Variants in KLHL1 observed in about 807,000 individuals in gnomAD.
KLHL1 encodes the protein kelch like family member 1.
Under a neutral mutation model 77.7 loss-of-function variants are expected in KLHL1, and 47 were observed. That is an observed-to-expected ratio of 0.60 (90% confidence interval 0.48 to 0.77). KLHL1 has a LOEUF of 0.77. Ranked by LOEUF, KLHL1 falls within the 30% of genes least tolerant of loss-of-function variation. The pLI, the probability that KLHL1 is intolerant of heterozygous loss-of-function variation, is 0.00. For missense variants in KLHL1, 925 were observed against 910.8 expected, an observed-to-expected ratio of 1.02 and a Z score of -0.20; for synonymous variants, 360 against 325.2, an observed-to-expected ratio of 1.11 and a Z score of -1.15.
At chr13:70,087,279 A>G (rs1273824484) in intron 1 of KLHL1, among the ~76,000 whole-genome samples, 1 of 152,316 alleles carries the variant, frequency 6.6e-6, no homozygotes, top group South Asian at 2.1e-4. Context: ...ATGAAAAAAT[A>G]TAGTAAATTT....
chr13:70,056,676 G>A (rs568384121), intron 1 of KLHL1, among the ~76,000 whole-genome samples: 94 of 152,022 alleles, frequency 6.2e-4, no homozygotes, highest in African/African-American at 2.1e-3. Context: ...GAGGTACTTC[G>A]GAAACTACAA....
intron 5 of KLHL1, among the ~76,000 whole-genome samples, chr13:69,869,976 T>C (rs1207363207): frequency 2.6e-5 from 4 of 152,176 alleles, no homozygotes; most frequent in Non-Finnish European, 5.9e-5. Flanking sequence ...AAAAGAGAGT[T>C]CTGCAGGGTG....
intron 7 of KLHL1, among the ~76,000 whole-genome samples, chr13:69,754,394 A>G (rs1055255476): frequency 6.6e-6 from 1 of 152,188 alleles, no homozygotes; most frequent in Non-Finnish European, 1.5e-5. Context: ...GGACAAGGAC[A>G]TATCCTTTTT....
At chr13:69,780,716 G>GTATATATATATATATATACATA (rs1290786295) in intron 7 of KLHL1, among the ~76,000 whole-genome samples, 1 of 47,696 alleles carries the variant, frequency 2.1e-5, no homozygotes, top group African/African-American at 9.5e-5. Context: ...ATATATATAT[G>GTATATATATATATATATACATA]TATATATATA....
intron 1 of KLHL1, among the ~76,000 whole-genome samples, chr13:70,000,936 A>AC (rs397777197): frequency 2.0e-5 from 3 of 150,118 alleles, no homozygotes; most frequent in Non-Finnish European, 4.5e-5. Context: ...AGAAAAAAAA[A>AC]CAAAAAATAG....
intron 1 of KLHL1, among the ~76,000 whole-genome samples, chr13:70,060,373 A>G (rs2137404036): frequency 6.6e-6 from 1 of 152,306 alleles, no homozygotes; most frequent in South Asian, 2.1e-4. Context: ...GCAAAAACCT[A>G]AAAGTAGAAC....
At chr13:69,775,055 GA>G (rs893073209) in intron 7 of KLHL1, among the ~76,000 whole-genome samples, 8 of 152,084 alleles carry the variant, frequency 5.3e-5, no homozygotes, top group Admixed American at 1.3e-4. Flanking sequence ...GAGCTAACAG[GA>G]AAAAAATACC....
chr13:69,902,664 C>G (rs1269101834), intron 4 of KLHL1, among the ~76,000 whole-genome samples: 2 of 149,446 alleles, frequency 1.3e-5, no homozygotes, highest in Admixed American at 1.4e-4. Flanking sequence ...GGACAAAAAC[C>G]AAACACCACA....
intron 5 of KLHL1, among the ~76,000 whole-genome samples, chr13:69,850,445 C>T (rs1879641266): frequency 6.6e-6 from 1 of 151,498 alleles, no homozygotes; most frequent in Non-Finnish European, 1.5e-5. Context: ...TCCAAACAGT[C>T]ACCAAATACA....
rs1271664589 is a variant in KLHL1, at chr13:69,701,579, G to C, written c.*123C>G. Reference sequence around the variant, plus strand: ...TCTACTAACTCTTTCAACATCAGTAGGTAACGCTACAGAGATCCTTGTTCT... The same window carrying C: ...TCTACTAACTCTTTCAACATCAGTACGTAACGCTACAGAGATCCTTGTTCT... On this transcript the variant is annotated 3_prime_UTR_variant, in exon 11 of 11. Coordinates refer to ENST00000377844, the MANE Select transcript of KLHL1 (RefSeq NM_020866.3). 5.9e-6 allele frequency: 4 copies of C among 672,970 alleles called. No homozygotes were observed. The highest frequency in any genetic ancestry group is 1.0e-5 in the Non-Finnish European group (4 of 382,492). 41.7% of individuals were successfully genotyped at this position (672,970 alleles called of 1,614,324 possible).
At chr13:70,087,380 T>A (rs551102731) in intron 1 of KLHL1, among the ~76,000 whole-genome samples, 4 of 152,038 alleles carry the variant, frequency 2.6e-5, no homozygotes, top group Non-Finnish European at 5.9e-5. Flanking sequence ...GGCTGAGGCA[T>A]GCAAAGAATC....
rs777518533 is a variant in KLHL1, at chr13:69,796,868, A to G, written c.1509T>C (p.Val503=). ...NGRRLQFGVA[V]IDDKLFVIGG... ...CAATTACAAAGAGTTTGTCATCAAT[A>G]ACAGCCACACCAAACTGCAGCCTTC... The change falls in exon 7 of 11, where the codon GTT becomes GTC. Residue 503 remains valine, a synonymous_variant. Transcript: ENST00000377844. The G allele has an allele frequency of 1.9e-6, 3 of 1,614,132 alleles. No individual in the cohort carries two copies. In the South Asian group the frequency reaches 3.3e-5, roughly 18 times the overall value.
intron 1 of KLHL1, among the ~76,000 whole-genome samples, chr13:70,093,503 T>G (rs2137444929): frequency 6.6e-6 from 1 of 152,266 alleles, no homozygotes; most frequent in Non-Finnish European, 1.5e-5. Flanking sequence ...CCTAAGCACT[T>G]TAAAGAAAAA....
At chr13:69,738,886 C>T (rs1258307984) in intron 8 of KLHL1, among the ~76,000 whole-genome samples, 1 of 152,106 alleles carries the variant, frequency 6.6e-6, no homozygotes, top group Non-Finnish European at 1.5e-5. Flanking sequence ...AATCCAAATT[C>T]AGGAAATCCA....
chr13:69,870,683 G>A lies in KLHL1; in HGVS notation c.1227+11600C>T, dbSNP rs368577961. ...AAGATACAATGGTTATGCAAGCATC[G>A]GGTAAACATTCCCATTCCAAAAGAG... On this transcript the variant is annotated intron_variant, in intron 5 of 10. Coordinates refer to ENST00000377844, the MANE Select transcript of KLHL1 (RefSeq NM_020866.3). Among the ~76,000 whole-genome samples, 45 of 151,752 alleles carry A rather than the reference G, an allele frequency of 3.0e-4. No individual in the cohort carries two copies. In the East Asian group the frequency reaches 3.3e-3, roughly 11 times the overall value.
intron 5 of KLHL1, among the ~76,000 whole-genome samples, chr13:69,851,709 C>G (rs1879697474): frequency 6.6e-6 from 1 of 151,630 alleles, no homozygotes; most frequent in Admixed American, 6.6e-5. Context: ...CTCCTATGTC[C>G]CTGTTCTCTA....
chr13:69,929,059 C>T lies in KLHL1; in HGVS notation c.1014+10981G>A, dbSNP rs576602421. On this transcript the variant is annotated intron_variant, in intron 4 of 10. Transcript: ENST00000377844. Reference sequence around the variant, plus strand: ...TTTATTACTTAATGACAAGACGGCACTTATCAACATTATCCAGACATGCAT... The same window carrying T: ...TTTATTACTTAATGACAAGACGGCATTTATCAACATTATCCAGACATGCAT... 2.8e-4 allele frequency among the ~76,000 whole-genome samples: 42 copies of T among 152,076 alleles called. No homozygotes were observed. In the South Asian group the frequency reaches 8.7e-3, roughly 32 times the overall value.
chr13:70,036,718 T>G (rs1217825257), intron 1 of KLHL1, among the ~76,000 whole-genome samples: 1 of 151,884 alleles, frequency 6.6e-6, no homozygotes, highest in East Asian at 1.9e-4. Flanking sequence ...ATTTCCTTGT[T>G]TAAATTTGTG....
chr13:69,755,059 T>A (rs374914247), intron 7 of KLHL1, among the ~76,000 whole-genome samples: 8 of 152,216 alleles, frequency 5.3e-5, no homozygotes, highest in African/African-American at 1.4e-4. Flanking sequence ...CCAAATCTTA[T>A]GTTGAAATGT....
Sources: gnomAD v4.1 joint callset for allele counts (sites outside exome capture counted in the v4.1 genomes callset) on GRCh38, gnomAD v4.1.1 for gene constraint, MANE v1.5 for transcripts, NCBI Gene and HGNC (gene_info 2026-07-23, HGNC 2026-07-21) for gene names.